Variants in KDM5C observed in about 807,000 individuals in gnomAD.
KDM5C encodes the protein lysine-specific demethylase 5C.
Under a neutral mutation model 110.6 loss-of-function variants are expected in KDM5C, and 16 were observed. The ratio of observed to expected loss-of-function variants is 0.14; its 90% CI spans 0.10 to 0.22. The LOEUF (loss-of-function observed/expected upper bound fraction) is 0.22, where lower values mean the gene tolerates loss of function less well. Among genes scored for constraint, KDM5C ranks in the 10% least tolerant of loss-of-function variants. KDM5C has a pLI of 1.00. For missense variants in KDM5C, 681 were observed against 1,300.9 expected (o/e 0.52, Z 7.33); for synonymous variants, 511 against 520.4 (o/e 0.98, Z 0.24).
At position 53,192,869 on chromosome X, in the gene KDM5C, A is replaced by AAACCCCCC; in HGVS notation, c.*97_*98insGGGGGGTT. Reference sequence around the variant, plus strand: ...GGGTAGCAGGGATGGCCACCCCCCTACCCGCCCACCCCCCAAGAAGCAGGC... The same window carrying AAACCCCCC: ...GGGTAGCAGGGATGGCCACCCCCCTAAACCCCCCCCCGCCCACCCCCCAAGAAGCAGGC... On this transcript the variant is annotated 3_prime_UTR_variant, in exon 26 of 26. Coordinates refer to ENST00000375401, the MANE Select transcript of KDM5C (RefSeq NM_004187.5). The AAACCCCCC allele has an allele frequency of 5.6e-6, 1 of 179,888 alleles. No homozygotes were observed. The highest frequency in any genetic ancestry group is 8.9e-6 in the Non-Finnish European group (1 of 112,555). 14.8% of individuals were successfully genotyped at this position (179,888 alleles called of 1,213,427 possible). A position where few individuals can be genotyped will look rare whatever the true frequency, so the allele number is the denominator to read the frequency against.
intron 3 of KDM5C, 74 bp from the exon 4 acceptor site, chrX:53,218,040 G>A (rs782199456): frequency 1.8e-5 from 19 of 1,068,050 alleles, no homozygotes; most frequent in Non-Finnish European, 2.5e-5. Flanking sequence ...CTGTAGAAAG[G>A]GCAAAAGGGC....
At position 53,194,861 on chromosome X, in the gene KDM5C, T is replaced by C. The variant is rs782732338; in HGVS notation, c.3438+70A>G. The C allele has an allele frequency of 5.9e-6, 7 of 1,191,796 alleles. No individual in the cohort carries two copies. The East Asian group carries it at 1.5e-4, about 25-fold the overall frequency. ...GAGGCTCAGGGGACAAGCGGTCTGC[T>C]CATGGCCACCCAGCTCAGACACTCT... On this transcript the variant is annotated intron_variant, in intron 22 of 25. Transcript: ENST00000375401.
In KDM5C at chrX:53,218,212, C is replaced by G. The variant is rs1252376635; in HGVS notation, c.351+64G>C. ...AGATCTAATATCCAAACTAAGGGGG[C>G]CCCCAGAGTATCAAGGATATTGGGG... On this transcript the variant is annotated intron_variant, in intron 3 of 25. Transcript: ENST00000375401. 4 of 1,190,894 alleles carry G rather than the reference C, an allele frequency of 3.4e-6. No homozygotes were observed. In the Admixed American group the frequency reaches 6.6e-5, roughly 20 times the overall value.
Position 53,215,543 on chromosome X carries a change from C to T in KDM5C, c.963+252G>A, listed in dbSNP as rs978567886. Among the ~76,000 whole-genome samples, 4 of 111,695 alleles carry T rather than the reference C, an allele frequency of 3.6e-5. No homozygotes were observed. In the South Asian group the frequency reaches 1.5e-3, roughly 42 times the overall value. ...GGTAATGAGGAGCTTAGCCTTTATC[C>T]TGAAGCAATGGAGAGTGAGACTCCT... On this transcript the variant is annotated intron_variant, in intron 7 of 25. Transcript: ENST00000375401.
chrX:53,223,389 G>A (rs1602242708), intron 1 of KDM5C, among the ~76,000 whole-genome samples: 2 of 110,744 alleles, frequency 1.8e-5, no homozygotes, highest in Admixed American at 9.6e-5. Flanking sequence ...CTCCAAGAAG[G>A]AAGAAATTCG....
At chrX:53,191,490 T>C (rs1934416221), downstream of KDM5C, 1 of 175,196 alleles carries the variant, frequency 5.7e-6, no homozygotes, top group Non-Finnish European at 1.1e-5. Context: ...AGCTATTTAA[T>C]TGTATACTTT....
chrX:53,217,120 G>A, intron 5 of KDM5C, 23 bp downstream of exon 5: 1 of 1,198,980 alleles, frequency 8.3e-7, no homozygotes, highest in Non-Finnish European at 1.1e-6. Context: ...AAAGCTCTAA[G>A]TTCGAAGAAG....
At chrX:53,204,956 TTTCTC>T (rs1556844489) in intron 12 of KDM5C, among the ~76,000 whole-genome samples, 1 of 112,196 alleles carries the variant, frequency 8.9e-6, no homozygotes, top group South Asian at 3.7e-4. Flanking sequence ...ATGTTTCAGT[TTTCTC>T]ATCTATCTGT....
chrX:53,208,667 G>A (rs1215847618), intron 12 of KDM5C, among the ~76,000 whole-genome samples: 2 of 105,200 alleles, frequency 1.9e-5, no homozygotes, highest in Non-Finnish European at 3.9e-5. Flanking sequence ...CACCACGCCC[G>A]GCTAATTCTG....
At chrX:53,204,491 G>A (rs141128651) in intron 12 of KDM5C, among the ~76,000 whole-genome samples, 482 of 110,874 alleles carry the variant, frequency 4.3e-3, no homozygotes, top group Non-Finnish European at 7.9e-3. Flanking sequence ...CAGCATGGGA[G>A]GGTATCTCAC....
rs2146865295 is a variant in KDM5C, at chrX:53,201,627, G to A, written c.1984C>T (p.Leu662=). The A allele has an allele frequency of 8.2e-7, 1 of 1,212,151 alleles. No homozygotes were observed. Among genetic ancestry groups the A allele is most frequent in the Non-Finnish European group, 1.1e-6 (1 of 895,551 alleles). ...ATCTCCTTATGCACAGCTGCCGCCA[G>A]GTTCAGGTCTAGCTTCTCTGGGCAG... ...AACPEKLDLN[L]AAAVHKEMFI... is the part of the protein sequence containing the mutation. The change falls in exon 14 of 26, where the codon CTG becomes TTG. Residue 662 remains leucine, a synonymous_variant. Coordinates refer to ENST00000375401, the MANE Select transcript of KDM5C (RefSeq NM_004187.5).
rs1484870064 is a variant in KDM5C, at chrX:53,197,935, A to G, written c.2517-59T>C. The G allele has an allele frequency of 5.7e-6, 5 of 873,401 alleles. No individual in the cohort carries two copies. The East Asian group carries it at 1.4e-4, about 24-fold the overall frequency. 72.0% of individuals were successfully genotyped at this position (873,401 alleles called of 1,213,427 possible). On this transcript the variant is annotated intron_variant, in intron 17 of 25. Transcript: ENST00000375401. The stretch of plus-strand genomic sequence containing the variant: ...AACTCAGTGCCTTCCCTCCATGTCT[A>G]TGCTAAGACTGAACACCTTTCCTCA...
intron 3 of KDM5C, 28 bp downstream of exon 3, chrX:53,218,248 G>A: frequency 8.3e-7 from 1 of 1,210,756 alleles, no homozygotes; most frequent in Non-Finnish European, 1.1e-6. Flanking sequence ...TTTGGTGGGA[G>A]GGGTGCTTGA....
At position 53,192,802 on chromosome X, in the gene KDM5C, C is replaced by T; in HGVS notation, c.*165G>A. ...CCAGGAGCTGAGGTCTGAACAATAC[C>T]TTGGAGTCAGAATACAAAAGTCAAG... On this transcript the variant is annotated 3_prime_UTR_variant, in exon 26 of 26. Transcript: ENST00000375401. 6 of 1,115,155 alleles carry T rather than the reference C, an allele frequency of 5.4e-6. No individual in the cohort carries two copies. The highest frequency in any genetic ancestry group is 7.2e-6 in the Non-Finnish European group (6 of 837,007). The allele number at this position is 1,115,155 out of a possible 1,213,427, so 91.9% of individuals were successfully genotyped here.
chrX:53,202,132 G>A (rs1435709453), intron 12 of KDM5C, 159 bp from the exon 13 acceptor site: 2 of 573,390 alleles, frequency 3.5e-6, no homozygotes, highest in Admixed American at 2.9e-5. Flanking sequence ...AGGACCACTG[G>A]TCTCTGCTCT....
At chrX:53,185,682 T>C (rs182634950) in intron 25 of KDM5C, among the ~76,000 whole-genome samples, 1 of 111,979 alleles carries the variant, frequency 8.9e-6, no homozygotes, top group African/African-American at 3.2e-5. Flanking sequence ...AGCAGAGCCA[T>C]AGCAATAATC....
intron 8 of KDM5C, chrX:53,214,248 G>A (rs1215568196): frequency 1.6e-5 from 2 of 121,799 alleles, no homozygotes; most frequent in Non-Finnish European, 3.3e-5. Context: ...GTGAGCCACC[G>A]CGCCCGGCCT....
rs782367590 is a variant in KDM5C at position 53,194,700 on chromosome X, C to T, written c.3477G>A (p.Glu1159=). 8.3e-7 allele frequency: 1 copy of T among 1,208,773 alleles called. No homozygotes were observed. The highest frequency in any genetic ancestry group is 1.1e-6 in the Non-Finnish European group (1 of 894,527). The stretch of plus-strand genomic sequence containing the variant: ...TGGTGCGACGCAGCTGCAGGATACC[C>T]TCCTTCTCCTTCTGTTCCCCCTCCT... ...AFKEGEQKEK[E]GILQLRRTNS... The change falls in exon 23 of 26, where the codon GAG becomes GAA. Residue 1159 remains glutamate, a synonymous_variant. Coordinates refer to ENST00000375401, the MANE Select transcript of KDM5C (RefSeq NM_004187.5).
chrX:53,200,269 G>A (rs2073100980), intron 14 of KDM5C, among the ~76,000 whole-genome samples: 1 of 111,642 alleles, frequency 9.0e-6, no homozygotes, highest in Non-Finnish European at 1.9e-5. Flanking sequence ...TAAGGATGAA[G>A]TCTCTAGGGT....
Sources: allele counts gnomAD v4.1 joint callset (sites outside exome capture counted in the v4.1 genomes callset), GRCh38; gene constraint gnomAD v4.1.1; transcripts MANE v1.5; gene names NCBI Gene and HGNC (gene_info 2026-07-23, HGNC 2026-07-21).